GRID1: variants seen among roughly 807,000 people sequenced by gnomAD.
GRID1 encodes glutamate receptor ionotropic, delta-1.
A neutral mutation model predicts 98.0 loss-of-function variants in GRID1; 28 were observed. That is an observed-to-expected ratio of 0.29 (90% CI 0.21 to 0.39). The LOEUF (loss-of-function observed/expected upper bound fraction) is 0.39, where lower values mean the gene tolerates loss of function less well. Among genes scored for constraint, GRID1 ranks in the 10% least tolerant of loss-of-function variants. GRID1 has a pLI of 1.00. For missense variants in GRID1, 1,111 were observed against 1,340.5 expected (o/e 0.83, Z 2.67); for synonymous variants, 553 against 538.5 (o/e 1.03, Z -0.37).
intron 5 of GRID1, among the ~76,000 whole-genome samples, chr10:85,887,515 T>C (rs910412054): frequency 1.3e-5 from 2 of 152,180 alleles, no homozygotes; most frequent in Admixed American, 1.3e-4. Context: ...ATGCAAAGTC[T>C]CAGGCCCCAC....
chr10:86,271,099 G>A (rs1847178522), intron 2 of GRID1, among the ~76,000 whole-genome samples: 1 of 152,210 alleles, frequency 6.6e-6, no homozygotes, highest in Non-Finnish European at 1.5e-5. Context: ...GTGTTCAGCA[G>A]AGTGTGAGCA....
chr10:86,294,872 TGAGAA>T (rs758997566), intron 2 of GRID1, among the ~76,000 whole-genome samples: 6 of 150,952 alleles, frequency 4.0e-5, no homozygotes, highest in Non-Finnish European at 7.4e-5. Context: ...GGTCGGGAGA[TGAGAA>T]GAGCCCAGCA....
At position 85,602,363 on chromosome 10, in the gene GRID1, C is replaced by G. The variant is rs372199655; in HGVS notation, c.2940G>C (p.Pro980=). 34 of 1,599,980 alleles carry G rather than the reference C, an allele frequency of 2.1e-5. No homozygotes were observed. The highest frequency in any genetic ancestry group is 2.9e-5 in the Non-Finnish European group (34 of 1,170,866). Reference sequence around the variant, plus strand: ...AGGACATGGGGATGGGGGTCTTCACCGGGCTCTGCCGGAACAGCCCCCCGT... The same window carrying G: ...AGGACATGGGGATGGGGGTCTTCACGGGGCTCTGCCGGAACAGCCCCCCGT... ...SPNGGLFRQS[P]VKTPIPMSFQ... The change falls in exon 16 of 16, where the codon CCG becomes CCC. Residue 980 remains proline (P), a synonymous_variant. Transcript: ENST00000327946.
At chr10:85,646,034 G>C (rs1256871308) in intron 13 of GRID1, 1 of 153,000 alleles carries the variant, frequency 6.5e-6, no homozygotes, top group Non-Finnish European at 1.5e-5. Flanking sequence ...GCTTGCCCCA[G>C]GCTGTCCTGA....
chr10:86,285,844 T>A (rs1261398266), intron 2 of GRID1, among the ~76,000 whole-genome samples: 1 of 152,182 alleles, frequency 6.6e-6, no homozygotes, highest in Non-Finnish European at 1.5e-5. Flanking sequence ...GAAACCAAAT[T>A]TTTTTCTCAT....
At chr10:86,336,848 A>AT (rs4030750) in intron 2 of GRID1, among the ~76,000 whole-genome samples, 3,797 of 143,724 alleles carry the variant, frequency 0.026, 172 homozygotes, top group African/African-American at 0.079. Context: ...CTGGCCCACT[A>AT]TTTTTTTTTT....
chr10:86,070,667 G>A (rs779878657), intron 4 of GRID1, among the ~76,000 whole-genome samples: 4 of 152,158 alleles, frequency 2.6e-5, no homozygotes, highest in Non-Finnish European at 4.4e-5. Context: ...ATATGACCCA[G>A]ACACTTCTTC....
chr10:86,232,770 A>G (rs1846476693), intron 2 of GRID1, among the ~76,000 whole-genome samples: 2 of 152,174 alleles, frequency 1.3e-5, no homozygotes. Context: ...GGGAAAGTCT[A>G]TAAATATTTT....
rs1589441426 is a variant in GRID1 at position 86,298,847 on chromosome 10, A to G, written c.235+65094T>C. On this transcript the variant is annotated intron_variant, in intron 2 of 15. Transcript: ENST00000327946. The stretch of plus-strand genomic sequence containing the variant: ...GCCCGGTGCTGAGCTCTGGCCTGGT[A>G]TAAGGCTGACATTGGTAATGGTTTG... Among the ~76,000 whole-genome samples, 7 of 152,294 alleles carry G rather than the reference A, an allele frequency of 4.6e-5. No homozygotes were observed. The South Asian group carries it at 1.2e-3, about 27-fold the overall frequency.
At chr10:86,292,866 G>A (rs1847535978) in intron 2 of GRID1, among the ~76,000 whole-genome samples, 1 of 152,074 alleles carries the variant, frequency 6.6e-6, no homozygotes, top group African/African-American at 2.4e-5. Flanking sequence ...GAGTGTGGCA[G>A]ATGTGAGTGT....
chr10:86,021,923 C>A (rs1426505706), intron 4 of GRID1, among the ~76,000 whole-genome samples: 1 of 152,126 alleles, frequency 6.6e-6, no homozygotes, highest in Non-Finnish European at 1.5e-5. Context: ...GCCTGGGTCC[C>A]GGGCTGTCTA....
intron 4 of GRID1, among the ~76,000 whole-genome samples, chr10:86,056,169 C>T (rs371167293): frequency 9.8e-5 from 15 of 152,308 alleles, no homozygotes; most frequent in Non-Finnish European, 1.6e-4. Flanking sequence ...TGCCTCCTGC[C>T]TTGAGTTGTC....
intron 4 of GRID1, among the ~76,000 whole-genome samples, chr10:85,972,989 T>A (rs1404115063): frequency 6.6e-6 from 1 of 152,240 alleles, no homozygotes; most frequent in Non-Finnish European, 1.5e-5. Context: ...TGGTTATTCC[T>A]GAAGATGTTC....
chr10:85,897,530 A>G (rs1841310604), intron 5 of GRID1, among the ~76,000 whole-genome samples: 1 of 152,192 alleles, frequency 6.6e-6, no homozygotes, highest in Non-Finnish European at 1.5e-5. Flanking sequence ...CTCGGAAAAC[A>G]TATCATCATG....
chr10:85,599,802 A>AAAATAT lies in GRID1; in HGVS notation c.*2470_*2471insATATTT. On this transcript the variant is annotated 3_prime_UTR_variant, in exon 16 of 16. Coordinates refer to ENST00000327946, the MANE Select transcript of GRID1 (RefSeq NM_017551.3). ...GTAGAAAATTCTAAAAAAAAAAAAAAATATATATATATATATATAAACATG... is the reference window on the plus strand; with the variant it reads ...GTAGAAAATTCTAAAAAAAAAAAAAAAAATATATATATATATATATATATAAACATG... 229 of 64,984 alleles carry AAAATAT rather than the reference A, an allele frequency of 3.5e-3. 7 individuals are homozygous for AAAATAT. Among genetic ancestry groups the AAAATAT allele is most frequent in the African/African-American group, 0.02 (214 of 10,734 alleles). The allele number at this position is 64,984 out of a possible 1,614,324, so 4.0% of individuals were successfully genotyped here.
intron 4 of GRID1, among the ~76,000 whole-genome samples, chr10:85,968,720 AG>A (rs1842370540): frequency 6.6e-6 from 1 of 152,170 alleles, no homozygotes; most frequent in Non-Finnish European, 1.5e-5. Flanking sequence ...AAAAGAAACA[AG>A]GGAATTAAAA....
intron 15 of GRID1, 150 bp downstream of exon 15, chr10:85,613,257 A>G: frequency 1.3e-6 from 1 of 771,612 alleles, no homozygotes; most frequent in Non-Finnish European, 2.0e-6. Flanking sequence ...AAATAAAACA[A>G]TAACAAAATC....
rs1386570400 is a variant in GRID1, at chr10:85,856,063, T to C, written c.1079A>G (p.Asn360Ser). The C allele has an allele frequency of 6.2e-7, 1 of 1,614,144 alleles. No homozygotes were observed. ...GGTATCCAGCATGGACCTCCCACCATTCCATGGCTTAGTGGATTTCCGTAT... is the reference window on the plus strand; with the variant it reads ...GGTATCCAGCATGGACCTCCCACCACTCCATGGCTTAGTGGATTTCCGTAT... ...NCIRKSTKPW[N>S]GGRSMLDTIK... Residue 360 changes from asparagine (N) to serine (S), a missense_variant, in exon 7 of 16, where the codon AAT becomes AGT. By Grantham distance (46) the Asn-to-Ser change is conservative. Transcript: ENST00000327946.
chr10:85,680,254 C>A (rs2132595473), intron 12 of GRID1, among the ~76,000 whole-genome samples: 1 of 152,314 alleles, frequency 6.6e-6, no homozygotes, highest in South Asian at 2.1e-4. Flanking sequence ...CCACCAGTGT[C>A]CAACTCCACC....
Sources: gnomAD v4.1 joint callset for allele counts (sites outside exome capture counted in the v4.1 genomes callset) on GRCh38, gnomAD v4.1.1 for gene constraint, MANE v1.5 for transcripts, NCBI Gene and HGNC (gene_info 2026-07-23, HGNC 2026-07-21) for gene names.